The following SCD5 variants were observed in gnomAD, a reference collection of about 807,000 sequenced individuals.
The protein encoded by SCD5 is stearoyl-CoA desaturase 5, also known as acyl-CoA-desaturase 4.
Under a neutral mutation model 30.4 loss-of-function variants are expected in SCD5, and 20 were observed. The ratio of observed to expected loss-of-function variants is 0.66; its 90% CI spans 0.46 to 0.96. SCD5 has a LOEUF of 0.96. Ranked by LOEUF, SCD5 falls within the 40% of genes least tolerant of loss-of-function variation. The probability of loss-of-function intolerance (pLI) is 0.00; values close to 1 mark genes in which losing one functional copy is unlikely to be tolerated. For synonymous variants in SCD5, 173 were observed against 176.4 expected (o/e 0.98, Z 0.16); for missense variants, 381 against 443.3 (o/e 0.86, Z 1.26).
At chr4:82,797,754 G>A (rs996525313) in intron 1 of SCD5, among the ~76,000 whole-genome samples, 11 of 152,028 alleles carry the variant, frequency 7.2e-5, no homozygotes, top group African/African-American at 2.7e-4. Flanking sequence ...GAGGGGAACC[G>A]GTATCTTCCA....
At chr4:82,753,215 T>C (rs1290269328) in intron 1 of SCD5, 2 of 418,788 alleles carry the variant, frequency 4.8e-6, no homozygotes, top group Non-Finnish European at 9.9e-6. Flanking sequence ...ATGTGAGAGT[T>C]ACCTGGGGAG....
chr4:82,733,708 G>C (rs1242638274), intron 1 of SCD5, among the ~76,000 whole-genome samples: 1 of 152,098 alleles, frequency 6.6e-6, no homozygotes, highest in Non-Finnish European at 1.5e-5. Flanking sequence ...CGCCATTCTC[G>C]CCTCTGCTAG....
chr4:82,684,478 T>C (rs1728652837), intron 2 of SCD5, among the ~76,000 whole-genome samples: 1 of 152,192 alleles, frequency 6.6e-6, no homozygotes, highest in African/African-American at 2.4e-5. Flanking sequence ...TCACCTTTCT[T>C]CCCTACTTAC....
chr4:82,649,195 G>A (rs941542056), intron 3 of SCD5, among the ~76,000 whole-genome samples: 1 of 151,312 alleles, frequency 6.6e-6, no homozygotes, highest in African/African-American at 2.4e-5. Context: ...GTGTGTGTGT[G>A]TGTGTGTGTG....
intron 1 of SCD5, among the ~76,000 whole-genome samples, chr4:82,710,997 G>T (rs1720072553): frequency 6.6e-6 from 1 of 152,172 alleles, no homozygotes; most frequent in South Asian, 2.1e-4. Context: ...ACTTATCACT[G>T]TGACAATTTC....
intron 1 of SCD5, among the ~76,000 whole-genome samples, chr4:82,797,988 CGCACAGCGGTG>C (rs1309233272): frequency 6.7e-6 from 1 of 149,558 alleles, no homozygotes; most frequent in Non-Finnish European, 1.5e-5. Flanking sequence ...CGCGCCTCTG[CGCACAGCGGTG>C]GCACCGCAGG....
At chr4:82,656,859 G>C (rs1727877235) in intron 3 of SCD5, among the ~76,000 whole-genome samples, 1 of 152,152 alleles carries the variant, frequency 6.6e-6, no homozygotes, top group Non-Finnish European at 1.5e-5. Flanking sequence ...CAGTGATAAT[G>C]AGCTTTTTTT....
rs1276764447 is a variant in SCD5, at chr4:82,658,684, A to T, written c.570-21861T>A. ...ATTTTAGTGGAGATGGGGTTTCACCATGTTGGCCAGGATGGTCTTGATCTC... is the reference window on the plus strand; with the variant it reads ...ATTTTAGTGGAGATGGGGTTTCACCTTGTTGGCCAGGATGGTCTTGATCTC... On this transcript the variant is annotated intron_variant, in intron 3 of 4. Coordinates refer to ENST00000319540, the MANE Select transcript of SCD5 (RefSeq NM_001037582.3). Among the ~76,000 whole-genome samples, 6 of 137,826 alleles carry T rather than the reference A, an allele frequency of 4.4e-5. No homozygotes were observed. The South Asian group carries it at 1.4e-3, about 32-fold the overall frequency. 90.4% of individuals were successfully genotyped at this position (137,826 alleles called of 152,430 possible).
chr4:82,676,677 A>G (rs1308790543), intron 3 of SCD5, among the ~76,000 whole-genome samples: 2 of 152,200 alleles, frequency 1.3e-5, no homozygotes, highest in Non-Finnish European at 2.9e-5. Flanking sequence ...CCAGAAGTCA[A>G]GGAAGATTTA....
chr4:82,781,373 G>A (rs1049464318), intron 1 of SCD5, among the ~76,000 whole-genome samples: 1 of 151,374 alleles, frequency 6.6e-6, no homozygotes, highest in Middle Eastern at 3.2e-3. Flanking sequence ...CTGGGATCAC[G>A]CCACTGCACT....
intron 1 of SCD5, among the ~76,000 whole-genome samples, chr4:82,762,961 T>G (rs2148846390): frequency 1.3e-5 from 2 of 152,192 alleles, no homozygotes; most frequent in Middle Eastern, 6.8e-3. Context: ...CACAGCCCCA[T>G]CGCCTTCCTG....
At chr4:82,725,977 G>T (rs1014995505) in intron 1 of SCD5, among the ~76,000 whole-genome samples, 2 of 152,348 alleles carry the variant, frequency 1.3e-5, no homozygotes, top group Non-Finnish European at 2.9e-5. Context: ...GAACCTAAGT[G>T]AGGAAAAACC....
At chr4:82,757,707 C>T (rs1010977165) in intron 1 of SCD5, among the ~76,000 whole-genome samples, 3 of 152,098 alleles carry the variant, frequency 2.0e-5, no homozygotes, top group Admixed American at 6.5e-5. Context: ...TGTAGAGCCT[C>T]GTCTGCAAAA....
intron 1 of SCD5, among the ~76,000 whole-genome samples, chr4:82,754,740 A>G (rs1001338735): frequency 6.6e-6 from 1 of 152,240 alleles, no homozygotes; most frequent in Non-Finnish European, 1.5e-5. Context: ...TGGTTGCTGG[A>G]AAGTGGGGGA....
At chr4:82,722,067 C>T (rs1720380952) in intron 1 of SCD5, among the ~76,000 whole-genome samples, 1 of 152,146 alleles carries the variant, frequency 6.6e-6, no homozygotes, top group Non-Finnish European at 1.5e-5. Flanking sequence ...TGGAACTAAG[C>T]AGTGTTTATT....
intron 3 of SCD5, among the ~76,000 whole-genome samples, chr4:82,645,923 G>A (rs533311170): frequency 7.8e-4 from 118 of 152,246 alleles, no homozygotes; most frequent in African/African-American, 2.6e-3. Context: ...AGAAATCACC[G>A]TTCTCTGTCT....
intron 1 of SCD5, among the ~76,000 whole-genome samples, chr4:82,739,289 G>A (rs1720821246): frequency 6.6e-6 from 1 of 152,188 alleles, no homozygotes; most frequent in Non-Finnish European, 1.5e-5. Context: ...CCTGGAAGTG[G>A]AGAGGGCTCT....
intron 3 of SCD5, among the ~76,000 whole-genome samples, chr4:82,673,076 G>A (rs2148819565): frequency 6.6e-6 from 1 of 152,172 alleles, no homozygotes; most frequent in Admixed American, 6.5e-5. Context: ...ATAAAGGTGA[G>A]AGACTATATA....
chr4:82,673,435 A>T (rs1387440287), intron 3 of SCD5, among the ~76,000 whole-genome samples: 1 of 152,226 alleles, frequency 6.6e-6, no homozygotes, highest in Non-Finnish European at 1.5e-5. Flanking sequence ...AAATGAAAGA[A>T]GTATAAATCT....
Sources: gnomAD v4.1 joint callset for allele counts (sites outside exome capture counted in the v4.1 genomes callset) on GRCh38, gnomAD v4.1.1 for gene constraint, MANE v1.5 for transcripts, NCBI Gene and HGNC (gene_info 2026-07-23, HGNC 2026-07-21) for gene names.